KCNAB1: variants seen among roughly 807,000 people sequenced by gnomAD.
KCNAB1 encodes the protein potassium voltage-gated channel subfamily A regulatory beta subunit 1.
KCNAB1 carries 35 observed loss-of-function variants against 64.6 expected under a neutral mutation model. That is an observed-to-expected ratio of 0.54 (90% CI 0.41 to 0.72). The LOEUF is 0.72. KCNAB1 is among the 30% of genes least tolerant of loss of function. The pLI, the probability that KCNAB1 is intolerant of heterozygous loss-of-function variation, is 0.00. For missense variants in KCNAB1, 401 were observed against 512.9 expected, an observed-to-expected ratio of 0.78 and a Z score of 2.11; for synonymous variants, 177 against 183.8, an observed-to-expected ratio of 0.96 and a Z score of 0.30.
intron 1 of KCNAB1, chr3:156,176,443 A>G: frequency 1.3e-6 from 1 of 785,414 alleles, no homozygotes; most frequent in Non-Finnish European, 2.4e-6. Flanking sequence ...GATAACAGGA[A>G]TTCACAAAGG....
At chr3:156,464,497 T>C (rs1235411719) in intron 6 of KCNAB1, among the ~76,000 whole-genome samples, 2 of 150,204 alleles carry the variant, frequency 1.3e-5, no homozygotes, top group Non-Finnish European at 3.0e-5. Context: ...ATAATAATAA[T>C]AATAATAATA....
intron 8 of KCNAB1, among the ~76,000 whole-genome samples, chr3:156,503,215 G>C (rs1442928570): frequency 6.6e-6 from 1 of 152,142 alleles, no homozygotes; most frequent in Non-Finnish European, 1.5e-5. Context: ...AAGAAAAGGT[G>C]CAATTTTGTG....
intron 1 of KCNAB1, among the ~76,000 whole-genome samples, chr3:156,327,139 G>A (rs113753151): frequency 6.6e-6 from 1 of 152,268 alleles, no homozygotes; most frequent in Non-Finnish European, 1.5e-5. Context: ...ATGTCTCTAT[G>A]GTTGTGATTC....
intron 1 of KCNAB1, among the ~76,000 whole-genome samples, chr3:156,205,597 C>T (rs78337289): frequency 0.011 from 1,643 of 152,254 alleles, 39 homozygotes; most frequent in African/African-American, 0.037. Context: ...CAGGTCCGAT[C>T]GATCATCAAG....
chr3:156,528,028 T>A (rs1333091313), intron 12 of KCNAB1, among the ~76,000 whole-genome samples: 3 of 152,244 alleles, frequency 2.0e-5, no homozygotes, highest in Non-Finnish European at 2.9e-5. Context: ...TCCTGTGCCC[T>A]ACAGGCCCAT....
intron 1 of KCNAB1, among the ~76,000 whole-genome samples, chr3:156,140,301 T>C (rs1433417025): frequency 6.6e-6 from 1 of 152,222 alleles, no homozygotes; most frequent in Non-Finnish European, 1.5e-5. Context: ...TCTGACTAAA[T>C]GTCTTAGTTC....
At position 156,249,201 on chromosome 3, in the gene KCNAB1, GA is replaced by G. The variant is rs548755307; in HGVS notation, c.275+128317del. Among the ~76,000 whole-genome samples, 25 of 152,224 alleles carry G rather than the reference GA, an allele frequency of 1.6e-4. No individual in the cohort carries two copies. In the East Asian group the frequency reaches 4.4e-3, roughly 27 times the overall value. On this transcript the variant is annotated intron_variant, in intron 1 of 13. Transcript: ENST00000490337. ...ACTATTTGGATGGATTAGTTAGTGGGAATGACTTTGACCAGAGACCTGGAAA... is the reference window on the plus strand; with the variant it reads ...ACTATTTGGATGGATTAGTTAGTGGGATGACTTTGACCAGAGACCTGGAAA...
Position 156,536,416 on chromosome 3 carries a change from G to A in KCNAB1, c.1171-242G>A, listed in dbSNP as rs79729551. On this transcript the variant is annotated intron_variant, in intron 13 of 13. Transcript: ENST00000490337. ...TTGCATTATATTTCTGTTGGATAGAGCTGCTCTGTATTTCTATGAGCCTTC... is the reference window on the plus strand; with the variant it reads ...TTGCATTATATTTCTGTTGGATAGAACTGCTCTGTATTTCTATGAGCCTTC... The A allele has an allele frequency of 2.3e-3, 976 of 420,164 alleles. 11 individuals carry two copies. Among genetic ancestry groups the A allele is most frequent in the African/African-American group, 0.019 (923 of 49,890 alleles). 26.0% of individuals were successfully genotyped at this position (420,164 alleles called of 1,614,324 possible).
chr3:156,143,117 A>C (rs1714801063), intron 1 of KCNAB1: 1 of 1,500,780 alleles, frequency 6.7e-7, no homozygotes, highest in East Asian at 2.4e-5. Context: ...TCACAGCAAG[A>C]TACAGTGAGT....
chr3:156,514,086 G>A (rs953545133), intron 8 of KCNAB1, among the ~76,000 whole-genome samples: 6 of 152,190 alleles, frequency 3.9e-5, no homozygotes, highest in Admixed American at 3.3e-4. Flanking sequence ...AGCAATAAAA[G>A]TAAAGGAAGA....
intron 1 of KCNAB1, among the ~76,000 whole-genome samples, chr3:156,190,170 A>G (rs1379801098): frequency 1.3e-5 from 2 of 152,196 alleles, no homozygotes; most frequent in African/African-American, 4.8e-5. Context: ...TTTCCCAGAC[A>G]TCTTCCTAAA....
chr3:156,337,107 G>A (rs1457298554), intron 1 of KCNAB1, among the ~76,000 whole-genome samples: 5 of 152,180 alleles, frequency 3.3e-5, no homozygotes, highest in Non-Finnish European at 7.3e-5. Context: ...TTCACATGGC[G>A]TTTAGATGTA....
At chr3:156,490,678 G>C (rs1182511004) in intron 8 of KCNAB1, among the ~76,000 whole-genome samples, 2 of 152,040 alleles carry the variant, frequency 1.3e-5, no homozygotes, top group African/African-American at 4.8e-5. Context: ...ATGGACAATA[G>C]GAGAGAAAAG....
At position 156,344,888 on chromosome 3, in the gene KCNAB1, G is replaced by A. The variant is rs148477623; in HGVS notation, c.276-76728G>A. Among the ~76,000 whole-genome samples, 1,298 of 152,152 alleles carry A rather than the reference G, an allele frequency of 8.5e-3. 7 individuals carry two copies. The highest frequency in any genetic ancestry group is 0.015 in the Admixed American group (236 of 15,268). ...CTTGGGCATCCGTGACATATGCATCGTACCCCAGAAGGTATCGCCTCTTCC... is the reference window on the plus strand; with the variant it reads ...CTTGGGCATCCGTGACATATGCATCATACCCCAGAAGGTATCGCCTCTTCC... On this transcript the variant is annotated intron_variant, in intron 1 of 13. Transcript: ENST00000490337.
chr3:156,145,462 G>T lies in KCNAB1; in HGVS notation c.275+24576G>T, dbSNP rs111568439. Among the ~76,000 whole-genome samples, 264 of 152,196 alleles carry T rather than the reference G, an allele frequency of 1.7e-3. 3 individuals are homozygous for T. The highest frequency in any genetic ancestry group is 6.2e-3 in the African/African-American group (258 of 41,526). ...TAGGAAAGAGAACCAGGGTTCTCTT[G>T]GCTCCTCCCCAACTTAGCTTTAGAC... On this transcript the variant is annotated intron_variant, in intron 1 of 13. Coordinates refer to ENST00000490337, the MANE Select transcript of KCNAB1 (RefSeq NM_172160.3).
At chr3:156,358,039 T>C (rs778131296) in intron 1 of KCNAB1, among the ~76,000 whole-genome samples, 5 of 152,068 alleles carry the variant, frequency 3.3e-5, no homozygotes, top group Non-Finnish European at 7.4e-5. Context: ...AATTAAATAA[T>C]ATTAAAAATT....
chr3:156,341,181 T>C (rs941733862), intron 1 of KCNAB1, among the ~76,000 whole-genome samples: 1 of 152,224 alleles, frequency 6.6e-6, no homozygotes, highest in African/African-American at 2.4e-5. Flanking sequence ...TATAGATGTA[T>C]AGATATAGAT....
intron 12 of KCNAB1, among the ~76,000 whole-genome samples, chr3:156,530,518 C>A (rs1301378338): frequency 1.3e-5 from 2 of 152,128 alleles, no homozygotes; most frequent in African/African-American, 4.8e-5. Flanking sequence ...GCTGGCCAGG[C>A]TGGCTAAAGC....
intron 1 of KCNAB1, among the ~76,000 whole-genome samples, chr3:156,197,434 T>C (rs764157670): frequency 6.6e-6 from 1 of 152,178 alleles, no homozygotes; most frequent in African/African-American, 2.4e-5. Flanking sequence ...ATCCATCTGG[T>C]CCTGGGCTTT....
Sources: allele counts gnomAD v4.1 joint callset (sites outside exome capture counted in the v4.1 genomes callset), GRCh38; gene constraint gnomAD v4.1.1; transcripts MANE v1.5; gene names NCBI Gene and HGNC (gene_info 2026-07-23, HGNC 2026-07-21).